ATP6V1H: variants seen among roughly 807,000 people sequenced by gnomAD.
ATP6V1H encodes the protein V-type proton ATPase subunit H.
In ATP6V1H, 39 loss-of-function variants were observed where a neutral mutation model predicts 71.7. That is an observed-to-expected ratio of 0.54 (90% CI 0.42 to 0.71). ATP6V1H has a LOEUF of 0.71. Among genes scored for constraint, ATP6V1H ranks in the 30% least tolerant of loss-of-function variants. The probability of loss-of-function intolerance (pLI) is 0.00; values close to 1 mark genes in which losing one functional copy is unlikely to be tolerated. For synonymous variants in ATP6V1H, 192 were observed against 199.3 expected, an observed-to-expected ratio of 0.96 and a Z score of 0.31; for missense variants, 509 against 594.9, an observed-to-expected ratio of 0.86 and a Z score of 1.50.
At chr8:53,831,070 G>T (rs924508048) in intron 3 of ATP6V1H, among the ~76,000 whole-genome samples, 17 of 152,100 alleles carry the variant, frequency 1.1e-4, no homozygotes, top group African/African-American at 4.1e-4. Context: ...CACAAAGCTG[G>T]TATACTTAAA....
At chr8:53,751,018 C>T (rs1476704773) in intron 12 of ATP6V1H, among the ~76,000 whole-genome samples, 1 of 152,030 alleles carries the variant, frequency 6.6e-6, no homozygotes, top group South Asian at 2.1e-4. Flanking sequence ...AGGAGGAAAC[C>T]AAGGCACAGA....
intron 13 of ATP6V1H, among the ~76,000 whole-genome samples, chr8:53,724,681 G>GC (rs1563436648): frequency 6.6e-6 from 1 of 150,466 alleles, no homozygotes; most frequent in East Asian, 2.0e-4. Context: ...GGATCTCTGC[G>GC]CATGTCTAGT....
Position 53,772,095 on chromosome 8 carries a change from G to A in ATP6V1H, c.943C>T (p.Leu315=), listed in dbSNP as rs1438531407. The A allele has an allele frequency of 1.2e-6, 2 of 1,613,908 alleles. No individual in the cohort carries two copies. Among genetic ancestry groups the A allele is most frequent in the Non-Finnish European group, 1.7e-6 (2 of 1,179,948 alleles). ...YALAMIQCKV[L]KQLENLEQQK... Reference sequence around the variant, plus strand: ...TGTTCCAAGTTCTCCAACTGTTTCAGAACTTTGCACTGAATCATAGCCAGG... The same window carrying A: ...TGTTCCAAGTTCTCCAACTGTTTCAAAACTTTGCACTGAATCATAGCCAGG... Residue 315 remains leucine, a synonymous_variant, in exon 10 of 14, where the codon CTG becomes TTG. Transcript: ENST00000359530.
intron 8 of ATP6V1H, 24 bp from the exon 9 acceptor site, chr8:53,795,863 AACACATTT>A (rs775189248): frequency 6.4e-7 from 1 of 1,573,306 alleles, no homozygotes; most frequent in Non-Finnish European, 8.6e-7. Context: ...AAACAAAAAA[AACACATTT>A]ACAAAACATT....
chr8:53,806,303 TA>T (rs1810076857), intron 7 of ATP6V1H, among the ~76,000 whole-genome samples: 1 of 152,056 alleles, frequency 6.6e-6, no homozygotes, highest in African/African-American at 2.4e-5. Flanking sequence ...TACAAAACAC[TA>T]AACAATTGTA....
rs1411285960 is a variant in ATP6V1H, at chr8:53,839,942, T to C, written c.113+1636A>G. On this transcript the variant is annotated intron_variant, in intron 2 of 13. Transcript: ENST00000359530. ...CACGATCGGCCCCTGGCTGCCTCTC[T>C]AGCCTCAGCTCTCTGCATTGCCTGC... 8.1e-6 allele frequency: 8 copies of C among 984,884 alleles called. No individual in the cohort carries two copies. In the South Asian group the frequency reaches 1.4e-4, roughly 17 times the overall value. The allele number at this position is 984,884 out of a possible 1,614,324, so 61.0% of individuals were successfully genotyped here.
intron 13 of ATP6V1H, among the ~76,000 whole-genome samples, chr8:53,723,161 T>G (rs915610210): frequency 1.2e-4 from 19 of 152,228 alleles, no homozygotes; most frequent in Non-Finnish European, 2.9e-5. Context: ...TTTGGCACAC[T>G]ACATAGAAGG....
chr8:53,796,701 G>A (rs929179581), intron 8 of ATP6V1H, among the ~76,000 whole-genome samples: 17 of 152,142 alleles, frequency 1.1e-4, no homozygotes, highest in African/African-American at 4.1e-4. Flanking sequence ...ATTAACATTG[G>A]ATCATCATTT....
intron 8 of ATP6V1H, among the ~76,000 whole-genome samples, chr8:53,799,584 T>C (rs1392313566): frequency 1.3e-5 from 2 of 152,116 alleles, no homozygotes; most frequent in African/African-American, 4.8e-5. Flanking sequence ...GTTTCCTAAA[T>C]TGATCAAACT....
intron 12 of ATP6V1H, among the ~76,000 whole-genome samples, chr8:53,744,137 T>C (rs1296598962): frequency 6.6e-6 from 1 of 152,146 alleles, no homozygotes; most frequent in East Asian, 1.9e-4. Context: ...TAGATGTAGA[T>C]AGCAGGGAAC....
At position 53,786,004 on chromosome 8, in the gene ATP6V1H, T is replaced by C. The variant is rs549812420; in HGVS notation, c.870+9643A>G. Among the ~76,000 whole-genome samples the C allele has an allele frequency of 2.2e-3, 339 of 152,200 alleles. 2 individuals are homozygous for C. The highest frequency in any genetic ancestry group is 7.9e-3 in the African/African-American group (327 of 41,540). ...GGGGTCAGGGACCCACTTGAGGAGG[T>C]AGTCTGCCCATTCTCAGATCTCAAG... On this transcript the variant is annotated intron_variant, in intron 9 of 13. Transcript: ENST00000359530.
intron 9 of ATP6V1H, among the ~76,000 whole-genome samples, chr8:53,794,672 TTTATTTTTTAC>T (rs1419178855): frequency 1.3e-5 from 2 of 152,170 alleles, no homozygotes; most frequent in African/African-American, 4.8e-5. Context: ...AGCCCCACTT[TTTATTTTTTAC>T]TTGTTTTTTA....
At chr8:53,823,222 TA>T (rs1810717913) in intron 4 of ATP6V1H, among the ~76,000 whole-genome samples, 1 of 152,216 alleles carries the variant, frequency 6.6e-6, no homozygotes, top group Non-Finnish European at 1.5e-5. Context: ...GGTATATTTA[TA>T]AAATTGATCA....
At chr8:53,716,063 A>C in intron 13 of ATP6V1H, 39 bp from the exon 14 acceptor site, 1 of 1,525,444 alleles carries the variant, frequency 6.6e-7, no homozygotes, top group Non-Finnish European at 9.0e-7. Flanking sequence ...TGAGAATTTC[A>C]ATAGCAAAGA....
chr8:53,731,829 C>T (rs2130130321), intron 13 of ATP6V1H, among the ~76,000 whole-genome samples: 1 of 152,382 alleles, frequency 6.6e-6, no homozygotes, highest in South Asian at 2.1e-4. Flanking sequence ...TCTGGAGCAT[C>T]CCTGGGGGGG....
chr8:53,726,614 G>T (rs1806821272), intron 13 of ATP6V1H, among the ~76,000 whole-genome samples: 1 of 152,150 alleles, frequency 6.6e-6, no homozygotes, highest in African/African-American at 2.4e-5. Context: ...CGCCAAGTTA[G>T]TTCTGTATAT....
chr8:53,821,372 C>CAA (rs576615850), intron 4 of ATP6V1H, among the ~76,000 whole-genome samples: 12 of 98,050 alleles, frequency 1.2e-4, no homozygotes, highest in South Asian at 3.3e-4. Flanking sequence ...GACTCCATCT[C>CAA]AAAAAAAAAA....
intron 9 of ATP6V1H, among the ~76,000 whole-genome samples, chr8:53,784,081 A>C (rs1248857732): frequency 1.5e-3 from 3 of 2,028 alleles, no homozygotes; most frequent in Non-Finnish European, 2.4e-3. Flanking sequence ...AGCTGAGTTC[A>C]ATTCCTGGAT....
chr8:53,831,343 T>A (rs1488514719), intron 3 of ATP6V1H, among the ~76,000 whole-genome samples: 3 of 152,198 alleles, frequency 2.0e-5, no homozygotes, highest in Non-Finnish European at 2.9e-5. Context: ...TAGGCAACTG[T>A]AACACAATAG....
Sources: allele counts gnomAD v4.1 joint callset (sites outside exome capture counted in the v4.1 genomes callset), GRCh38; gene constraint gnomAD v4.1.1; transcripts MANE v1.5; gene names NCBI Gene and HGNC (gene_info 2026-07-23, HGNC 2026-07-21).